The following PTPRK variants were observed in gnomAD, a reference collection of about 807,000 sequenced individuals.
The protein encoded by PTPRK is protein tyrosine phosphatase receptor type K.
In PTPRK, 75 loss-of-function variants were observed where a neutral mutation model predicts 178.0. The observed-to-expected ratio is 0.42, with a 90% CI of 0.35 to 0.51. The LOEUF (loss-of-function observed/expected upper bound fraction) is 0.51, where lower values mean the gene tolerates loss of function less well. Among genes scored for constraint, PTPRK ranks in the 20% least tolerant of loss-of-function variants. The probability of loss-of-function intolerance (pLI) is 0.02; values close to 1 mark genes in which losing one functional copy is unlikely to be tolerated. For missense variants in PTPRK, 1,441 were observed against 1,797.8 expected, an observed-to-expected ratio of 0.80 and a Z score of 3.59; for synonymous variants, 637 against 620.6, an observed-to-expected ratio of 1.03 and a Z score of -0.39.
intron 2 of PTPRK, among the ~76,000 whole-genome samples, chr6:128,370,609 G>C (rs929143106): frequency 6.6e-6 from 1 of 151,818 alleles, no homozygotes; most frequent in Non-Finnish European, 1.5e-5. Flanking sequence ...ATTTCTACCA[G>C]TAAAACTGTT....
intron 22 of PTPRK, 152 bp from the exon 23 acceptor site, chr6:127,983,529 A>G (rs1012089655): frequency 2.9e-6 from 2 of 694,910 alleles, no homozygotes; most frequent in African/African-American, 3.6e-5. Context: ...AAAGCTTATT[A>G]ATGTACAAAT....
At chr6:128,452,096 A>T (rs1847866308) in intron 1 of PTPRK, among the ~76,000 whole-genome samples, 2 of 152,302 alleles carry the variant, frequency 1.3e-5, no homozygotes, top group South Asian at 4.1e-4. Context: ...GACCGGCCAC[A>T]TGGCAGCTTG....
chr6:128,454,253 T>C (rs1848135011), intron 1 of PTPRK, among the ~76,000 whole-genome samples: 1 of 152,122 alleles, frequency 6.6e-6, no homozygotes. Flanking sequence ...AGAAATAAAT[T>C]TCTTTTGTTG....
intron 5 of PTPRK, among the ~76,000 whole-genome samples, chr6:128,236,343 CTT>C (rs35553541): frequency 6.5e-5 from 7 of 108,078 alleles, no homozygotes; most frequent in African/African-American, 1.4e-4. Context: ...TTCTAAATTT[CTT>C]TTTTTTTTTT....
intron 1 of PTPRK, among the ~76,000 whole-genome samples, chr6:128,417,855 T>C (rs1843011963): frequency 6.6e-6 from 1 of 152,206 alleles, no homozygotes; most frequent in Non-Finnish European, 1.5e-5. Context: ...GTGGTCCTTT[T>C]CGTGTCTAAT....
At chr6:128,510,243 C>T (rs992756971) in intron 1 of PTPRK, among the ~76,000 whole-genome samples, 1 of 152,214 alleles carries the variant, frequency 6.6e-6, no homozygotes, top group Non-Finnish European at 1.5e-5. Flanking sequence ...AGACTATCCC[C>T]TGGCCTCAAC....
At chr6:128,388,439 C>T (rs946425) in intron 2 of PTPRK, among the ~76,000 whole-genome samples, 147,767 of 152,314 alleles carry the variant, frequency 0.97, 71,817 homozygotes, top group East Asian at 1. Context: ...TTTTGTTATG[C>T]GAAAGTAGCC....
At chr6:127,983,574 A>G (rs1366530879) in intron 22 of PTPRK, among the ~76,000 whole-genome samples, 197 bp from the exon 23 acceptor site, 1 of 152,226 alleles carries the variant, frequency 6.6e-6, no homozygotes, top group African/African-American at 2.4e-5. Flanking sequence ...GGTATAAACT[A>G]AAGATTGGAA....
chr6:128,166,688 T>C (rs1037932184), intron 7 of PTPRK, among the ~76,000 whole-genome samples: 3 of 151,688 alleles, frequency 2.0e-5, no homozygotes, highest in African/African-American at 2.4e-5. Flanking sequence ...TCTATAAACA[T>C]AAATTTTTGT....
chr6:127,998,814 C>A lies in PTPRK; in HGVS notation c.2585G>T (p.Gly862Val). 3 of 1,610,590 alleles carry A rather than the reference C, an allele frequency of 1.9e-6. No individual in the cohort carries two copies. The highest frequency in any genetic ancestry group is 2.5e-6 in the Non-Finnish European group (3 of 1,177,954). The change falls in exon 16 of 30, where the codon GGA (glycine) becomes GTA (valine). Residue 862 changes from glycine (G) to valine (V), a missense_variant. Physicochemically the swap from Gly to Val is moderately radical, Grantham distance 109. This residue lies in a region of PTPRK where 945 missense variants were observed against 1,080.6 expected (regional missense o/e 0.87). Transcript: ENST00000368226. Reference sequence around the variant, plus strand: ...TACCCTGATGGCTGGATGCAGCTGTCCTGTCTGGTAAGGGGATTCCGTCCC... The same window carrying A: ...TACCCTGATGGCTGGATGCAGCTGTACTGTCTGGTAAGGGGATTCCGTCCC... ...CEGTESPYQTGQLHPAIRVAD... is the reference protein window; with the variant it reads ...CEGTESPYQTVQLHPAIRVAD...
intron 2 of PTPRK, among the ~76,000 whole-genome samples, chr6:128,362,180 TTTAC>T (rs1834865009): frequency 6.6e-6 from 1 of 152,100 alleles, no homozygotes; most frequent in South Asian, 2.1e-4. Context: ...TCAGAGAGCT[TTTAC>T]TCATGGCAGA....
At chr6:128,111,256 T>C (rs1790608249) in intron 7 of PTPRK, among the ~76,000 whole-genome samples, 1 of 152,204 alleles carries the variant, frequency 6.6e-6, no homozygotes, top group Admixed American at 6.5e-5. Flanking sequence ...CAGACATGCT[T>C]GCCAACTTAG....
At position 127,985,871 on chromosome 6, in the gene PTPRK, C is replaced by G. The variant is rs532852314; in HGVS notation, c.3101G>C (p.Gly1034Ala). The G allele has an allele frequency of 1.6e-5, 26 of 1,608,818 alleles. No homozygotes were observed. The South Asian group carries it at 2.6e-4, about 16-fold the overall frequency. The stretch of plus-strand genomic sequence containing the variant: ...TTTAACTTCACGGATTTCATTGTAC[C>G]CCCTCTGTGCAAAGATGGAAAGAAA... ...VVRTFTLERR[G>A]YNEIREVKQF... The change falls in exon 22 of 30, where the codon GGG becomes GCG. Residue 1034 changes from glycine (G) to alanine (A), a missense_variant. By Grantham distance (60) the Gly-to-Ala change is moderately conservative. Transcript: ENST00000368226.
At chr6:128,478,827 A>G (rs1851691390) in intron 1 of PTPRK, among the ~76,000 whole-genome samples, 1 of 152,134 alleles carries the variant, frequency 6.6e-6, no homozygotes, top group Non-Finnish European at 1.5e-5. Context: ...AGGTTAAGAT[A>G]TATTGCTAGG....
chr6:128,181,944 A>G (rs1213641609), intron 7 of PTPRK, among the ~76,000 whole-genome samples: 3 of 152,176 alleles, frequency 2.0e-5, no homozygotes, highest in African/African-American at 7.2e-5. Context: ...ACAGAGCAAG[A>G]TTAGTAGACA....
At chr6:128,048,984 T>A (rs1349667832) in intron 13 of PTPRK, among the ~76,000 whole-genome samples, 1 of 152,132 alleles carries the variant, frequency 6.6e-6, no homozygotes, top group Non-Finnish European at 1.5e-5. Flanking sequence ...ACTATGGACA[T>A]AAAATAAATA....
chr6:128,502,196 A>G (rs899380283), intron 1 of PTPRK, among the ~76,000 whole-genome samples: 2 of 152,248 alleles, frequency 1.3e-5, no homozygotes, highest in Non-Finnish European at 2.9e-5. Context: ...TACCTTTTAT[A>G]TAGTCCTAGC....
intron 13 of PTPRK, among the ~76,000 whole-genome samples, chr6:128,012,029 C>A (rs1258889958): frequency 6.6e-6 from 1 of 151,228 alleles, no homozygotes; most frequent in Admixed American, 6.6e-5. Flanking sequence ...CAAGACAATT[C>A]TTGTGCCAAG....
intron 6 of PTPRK, 49 bp from the exon 7 acceptor site, chr6:128,184,774 A>G (rs770821284): frequency 6.5e-7 from 1 of 1,544,454 alleles, no homozygotes. Context: ...AAAATAATAC[A>G]AAGATATATT....
Sources: gnomAD v4.1 joint callset for allele counts (sites outside exome capture counted in the v4.1 genomes callset) on GRCh38, gnomAD v4.1.1 for gene constraint, gnomAD v4.1.1 regional missense constraint, MANE v1.5 for transcripts, NCBI Gene and HGNC (gene_info 2026-07-23, HGNC 2026-07-21) for gene names.